The following SMAD7 variants were observed in gnomAD, a reference collection of about 807,000 sequenced individuals.
SMAD7 encodes the protein MAD (mothers against decapentaplegic, Drosophila) homolog 7.
A neutral mutation model predicts 38.7 loss-of-function variants in SMAD7; 8 were observed. The observed-to-expected ratio is 0.21, with a 90% CI of 0.12 to 0.37. The LOEUF (loss-of-function observed/expected upper bound fraction) is 0.37. SMAD7 is among the 10% of genes least tolerant of loss of function. SMAD7 has a pLI of 1.00. For synonymous variants in SMAD7, 327 were observed against 265.1 expected (o/e 1.23, Z -2.27); for missense variants, 477 against 577.9 (o/e 0.83, Z 1.79).
At position 48,942,247 on chromosome 18, in the gene SMAD7, C is replaced by T. The variant is rs1050854037; in HGVS notation, c.742+234G>A. ...TCACACACCAAAGCAATCCCCAGCT[C>T]GCTCTTGTCTCCCCGTCCACGGAAC... On this transcript the variant is annotated intron_variant, in intron 3 of 3. Coordinates refer to ENST00000262158, the MANE Select transcript of SMAD7 (RefSeq NM_005904.4). Among the ~76,000 whole-genome samples the T allele has an allele frequency of 6.6e-5, 10 of 152,318 alleles. No homozygotes were observed. In the East Asian group the frequency reaches 9.7e-4, roughly 15 times the overall value.
At chr18:48,948,752 C>G (rs957687153) in intron 1 of SMAD7, among the ~76,000 whole-genome samples, 1 of 152,252 alleles carries the variant, frequency 6.6e-6, no homozygotes, top group East Asian at 1.9e-4. Context: ...ACCATGCCCC[C>G]TCCCCGTCCT....
chr18:48,950,578 G>A lies in SMAD7; in HGVS notation c.-154C>T, dbSNP rs2070252395. ...CCGGGCAGGAGCGGCGGCGGCCCGA[G>A]GGGCGCTCCGTGGCATGCGCCAGTC... On this transcript the variant is annotated 5_prime_UTR_variant, in exon 1 of 4. Coordinates refer to ENST00000262158, the MANE Select transcript of SMAD7 (RefSeq NM_005904.4). The A allele has an allele frequency of 1.6e-6, 1 of 607,588 alleles. No individual in the cohort carries two copies. Among genetic ancestry groups the A allele is most frequent in the Non-Finnish European group, 2.4e-6 (1 of 409,096 alleles). 37.6% of individuals were successfully genotyped at this position (607,588 alleles called of 1,614,324 possible). A position where few individuals can be genotyped will look rare whatever the true frequency, so the allele number is the denominator to read the frequency against.
chr18:48,936,139 C>T (rs1163770738), intron 3 of SMAD7, among the ~76,000 whole-genome samples: 1 of 148,782 alleles, frequency 6.7e-6, no homozygotes, highest in Non-Finnish European at 1.5e-5. Context: ...ACACGAGATC[C>T]CAGGCAGGCT....
intron 2 of SMAD7, among the ~76,000 whole-genome samples, chr18:48,946,637 T>A (rs2070199169): frequency 6.6e-6 from 1 of 152,254 alleles, no homozygotes; most frequent in Non-Finnish European, 1.5e-5. Flanking sequence ...CACTTCCTAT[T>A]GGCTGATCTG....
chr18:48,949,287 G>A, intron 1 of SMAD7: 1 of 985,008 alleles, frequency 1.0e-6, no homozygotes, highest in Non-Finnish European at 1.2e-6. Context: ...GCGCGGCCAC[G>A]ACAGTATCTG....
At chr18:48,930,908 AG>A (rs2143776884) in intron 3 of SMAD7, among the ~76,000 whole-genome samples, 1 of 152,384 alleles carries the variant, frequency 6.6e-6, no homozygotes, top group East Asian at 1.9e-4. Context: ...AAAAGGTAGA[AG>A]CAAGCCAAGT....
chr18:48,928,455 TTTC>T (rs143486537), intron 3 of SMAD7, among the ~76,000 whole-genome samples: 5,885 of 152,082 alleles, frequency 0.039, 380 homozygotes, highest in African/African-American at 0.14. Context: ...AACTTTTTTT[TTTC>T]TTTAATTTCA....
At chr18:48,947,295 T>C (rs2070205901) in intron 2 of SMAD7, among the ~76,000 whole-genome samples, 2 of 152,206 alleles carry the variant, frequency 1.3e-5, no homozygotes, top group Admixed American at 1.3e-4. Context: ...CTGCAGAGTA[T>C]GGGCTTCGGT....
intron 3 of SMAD7, among the ~76,000 whole-genome samples, chr18:48,938,288 T>C (rs1366443067): frequency 6.6e-6 from 1 of 152,122 alleles, no homozygotes; most frequent in East Asian, 1.9e-4. Context: ...TCCCCCAGAC[T>C]TGGGGACTAG....
intron 1 of SMAD7, chr18:48,948,638 G>A (rs2070224638): frequency 4.8e-6 from 2 of 418,984 alleles, no homozygotes; most frequent in African/African-American, 2.1e-5. Context: ...TCGGCGCTCC[G>A]CTCCTCCACG....
intron 3 of SMAD7, among the ~76,000 whole-genome samples, chr18:48,937,264 A>ATATGTGTG (rs547137464): frequency 1.7e-5 from 2 of 119,778 alleles, no homozygotes; most frequent in Non-Finnish European, 3.4e-5. Context: ...AAGTAAAGGC[A>ATATGTGTG]TGTGTGTGTG....
At chr18:48,941,244 T>TC (rs924920473) in intron 3 of SMAD7, among the ~76,000 whole-genome samples, 25 of 152,108 alleles carry the variant, frequency 1.6e-4, no homozygotes, top group Non-Finnish European at 5.9e-5. Context: ...TGAAGCCCCC[T>TC]CCCTTCTCTA....
rs1767419705 is a variant in SMAD7 at position 48,921,151 on chromosome 18, T to G, written c.*221A>C. The stretch of plus-strand genomic sequence containing the variant: ...TCCTGCCGATCATACCTGCCCCTTC[T>G]TCCAAAAAAACCCCCAACAATTCTT... On this transcript the variant is annotated 3_prime_UTR_variant, in exon 4 of 4. Transcript: ENST00000262158. The surrounding 1 kb of genome is among the most constrained non-coding windows in gnomAD (Gnocchi z 6.4). The G allele has an allele frequency of 1.8e-6, 1 of 553,332 alleles. No homozygotes were observed. Among genetic ancestry groups the G allele is most frequent in the Non-Finnish European group, 3.2e-6 (1 of 312,668 alleles). The allele number at this position is 553,332 out of a possible 1,614,324, so 34.3% of individuals were successfully genotyped here. A position where few individuals can be genotyped will look rare whatever the true frequency, so the allele number is the denominator to read the frequency against.
In SMAD7 at chr18:48,950,504, G is replaced by A; in HGVS notation, c.-80C>T. On this transcript the variant is annotated 5_prime_UTR_variant, in exon 1 of 4. Transcript: ENST00000262158. Reference sequence around the variant, plus strand: ...CCTCCGCACACCATGAAGAAGTCGGGCGCCGAGTTGGGGCAGCAGGCGCAG... The same window carrying A: ...CCTCCGCACACCATGAAGAAGTCGGACGCCGAGTTGGGGCAGCAGGCGCAG... 7.2e-7 allele frequency: 1 copy of A among 1,386,252 alleles called. No homozygotes were observed. Among genetic ancestry groups the A allele is most frequent in the Non-Finnish European group, 9.5e-7 (1 of 1,050,560 alleles). The allele number at this position is 1,386,252 out of a possible 1,614,324, so 85.9% of individuals were successfully genotyped here.
rs558503365 is a variant in SMAD7, at chr18:48,921,986, C to G, written c.743-76G>C. On this transcript the variant is annotated intron_variant, in intron 3 of 3. Transcript: ENST00000262158. The surrounding 1 kb of genome is among the most constrained non-coding windows in gnomAD (Gnocchi z 6.4). ...CCTAGAATGAAGACACCCGCCCCCC[C>G]ACTGCACCCAGTCACCAGCTCATCT... The G allele has an allele frequency of 7.1e-6, 8 of 1,133,242 alleles. No homozygotes were observed. Among genetic ancestry groups the G allele is most frequent in the Non-Finnish European group, 1.0e-5 (8 of 801,994 alleles). 70.2% of individuals were successfully genotyped at this position (1,133,242 alleles called of 1,614,324 possible).
chr18:48,923,105 C>A (rs1301544119), intron 3 of SMAD7, among the ~76,000 whole-genome samples: 2 of 152,082 alleles, frequency 1.3e-5, no homozygotes, highest in Non-Finnish European at 2.9e-5. Flanking sequence ...AGGGTGGAGA[C>A]CGGAAGTCTT....
At chr18:48,948,621 G>A in intron 1 of SMAD7, 184 bp from the exon 2 acceptor site, 4 of 426,678 alleles carry the variant, frequency 9.4e-6, no homozygotes, top group Non-Finnish European at 1.2e-5. Context: ...GCCGCCTGGC[G>A]CCAGCCTCGG....
chr18:48,949,759 C>T (rs2143826094), intron 1 of SMAD7, 53 bp downstream of exon 1: 1 of 1,513,340 alleles, frequency 6.6e-7, no homozygotes, highest in Non-Finnish European at 8.9e-7. Context: ...AGGGGCTTTT[C>T]TTCCAGCACT....
At position 48,920,124 on chromosome 18, in the gene SMAD7, TTTTC is replaced by T. The variant is rs1359725469; in HGVS notation, c.*1244_*1247del. 1 of 152,474 alleles carries T rather than the reference TTTTC, an allele frequency of 6.6e-6. No individual in the cohort carries two copies. Among genetic ancestry groups the T allele is most frequent in the African/African-American group, 2.4e-5 (1 of 41,448 alleles). 9.4% of individuals were successfully genotyped at this position (152,474 alleles called of 1,614,324 possible). A position where few individuals can be genotyped will look rare whatever the true frequency, so the allele number is the denominator to read the frequency against. On this transcript the variant is annotated 3_prime_UTR_variant, in exon 4 of 4. Transcript: ENST00000262158. The stretch of plus-strand genomic sequence containing the variant: ...TTTATATATAACATAAAATACATTT[TTTTC>T]TTTAATAAATCTCAGGTTTTTTTTC...
Sources: allele counts gnomAD v4.1 joint callset (sites outside exome capture counted in the v4.1 genomes callset), GRCh38; gene constraint gnomAD v4.1.1; non-coding constraint Gnocchi (gnomAD v3.1); transcripts MANE v1.5; gene names NCBI Gene and HGNC (gene_info 2026-07-23, HGNC 2026-07-21).